The following FAM184B variants were observed in gnomAD, a reference collection of about 807,000 sequenced individuals.
FAM184B encodes protein FAM184B.
In FAM184B, 111 loss-of-function variants were observed where a neutral mutation model predicts 135.9. That is an observed-to-expected ratio of 0.82 (90% CI 0.70 to 0.96). The LOEUF (loss-of-function observed/expected upper bound fraction) is 0.96. Among genes scored for constraint, FAM184B ranks in the 40% least tolerant of loss-of-function variants. The pLI, the probability that FAM184B is intolerant of heterozygous loss-of-function variation, is 0.00. For missense variants in FAM184B, 1,375 were observed against 1,323.9 expected, an observed-to-expected ratio of 1.04 and a Z score of -0.60; for synonymous variants, 552 against 524.8, an observed-to-expected ratio of 1.05 and a Z score of -0.71.
chr4:17,686,728 G>T (rs540517223), intron 7 of FAM184B, among the ~76,000 whole-genome samples: 1 of 152,218 alleles, frequency 6.6e-6, no homozygotes, highest in Non-Finnish European at 1.5e-5. Context: ...GATCACCTGA[G>T]GTCAGGAGTT....
intron 1 of FAM184B, among the ~76,000 whole-genome samples, chr4:17,721,383 C>CAAAAAAAAGAAAAAA (rs1717523373): frequency 2.1e-5 from 1 of 47,384 alleles, no homozygotes; most frequent in Admixed American, 2.7e-4. Context: ...GATTCTGTCT[C>CAAAAAAAAGAAAAAA]AAAAAAAAAA....
intron 7 of FAM184B, among the ~76,000 whole-genome samples, chr4:17,676,486 T>C (rs1357503673): frequency 2.0e-5 from 3 of 152,252 alleles, no homozygotes; most frequent in Non-Finnish European, 4.4e-5. Context: ...GTGTATTTTT[T>C]AATTAAGGTA....
chr4:17,711,201 G>C (rs1430418395), intron 1 of FAM184B, among the ~76,000 whole-genome samples: 1 of 151,446 alleles, frequency 6.6e-6, no homozygotes, highest in Non-Finnish European at 1.5e-5. Context: ...AAAAAAAAAA[G>C]CCAGATGTGG....
intron 7 of FAM184B, among the ~76,000 whole-genome samples, chr4:17,687,662 G>C (rs1358667638): frequency 6.6e-6 from 1 of 152,204 alleles, no homozygotes; most frequent in Non-Finnish European, 1.5e-5. Context: ...AAGACTCAGA[G>C]ACAAGGGGAA....
Position 17,719,488 on chromosome 4 carries a change from C to T in FAM184B, c.142-9844G>A, listed in dbSNP as rs962033222. On this transcript the variant is annotated intron_variant, in intron 1 of 17. Coordinates refer to ENST00000265018, the MANE Select transcript of FAM184B (RefSeq NM_015688.2). ...ACTAAAACCTTGGAAAGCAAGACCA[C>T]AGAAAAAAAGGGACTACTGTCTAGG... 3.3e-5 allele frequency among the ~76,000 whole-genome samples: 5 copies of T among 152,130 alleles called. No homozygotes were observed. In the East Asian group the frequency reaches 5.8e-4, roughly 18 times the overall value.
chr4:17,746,482 G>A (rs1204136086), intron 1 of FAM184B, among the ~76,000 whole-genome samples: 3 of 151,870 alleles, frequency 2.0e-5, no homozygotes, highest in Non-Finnish European at 4.4e-5. Flanking sequence ...TGTGATCCCA[G>A]CACTTTGGGA....
intron 1 of FAM184B, among the ~76,000 whole-genome samples, chr4:17,752,384 C>T (rs139691711): frequency 2.0e-4 from 30 of 151,850 alleles, no homozygotes; most frequent in South Asian, 4.2e-4. Flanking sequence ...ATGGGAGGAG[C>T]AGGCAATGAA....
rs1224277038 is a variant in FAM184B, at chr4:17,714,192, T to G, written c.142-4548A>C. Among the ~76,000 whole-genome samples, 3 of 152,126 alleles carry G rather than the reference T, an allele frequency of 2.0e-5. No individual in the cohort carries two copies. The East Asian group carries it at 5.8e-4, about 29-fold the overall frequency. On this transcript the variant is annotated intron_variant, in intron 1 of 17. Coordinates refer to ENST00000265018, the MANE Select transcript of FAM184B (RefSeq NM_015688.2). Reference sequence around the variant, plus strand: ...GTTCATCAAGGATTCACGCTTTCCTTCCACAGCGAAGAGCTGCTGCAGAAC... The same window carrying G: ...GTTCATCAAGGATTCACGCTTTCCTGCCACAGCGAAGAGCTGCTGCAGAAC...
At chr4:17,752,641 A>G (rs538262048) in intron 1 of FAM184B, among the ~76,000 whole-genome samples, 1 of 152,320 alleles carries the variant, frequency 6.6e-6, no homozygotes, top group East Asian at 1.9e-4. Flanking sequence ...GAGGATGCCC[A>G]GGACATCACA....
chr4:17,633,712 A>G lies in FAM184B; in HGVS notation c.3066T>C (p.Ser1022=), dbSNP rs757766404. The G allele has an allele frequency of 6.5e-7, 1 of 1,545,248 alleles. No individual in the cohort carries two copies. The highest frequency in any genetic ancestry group is 1.2e-5 in the South Asian group (1 of 83,256). The change falls in exon 17 of 18, where the codon TCT becomes TCC. Residue 1022 remains serine, a synonymous_variant. Coordinates refer to ENST00000265018, the MANE Select transcript of FAM184B (RefSeq NM_015688.2). ...SCGRTYKPNQ[S]TDAKTATRTP... ...ACCTTGTGGCAGTTTTTGCATCTGT[A>G]GACTGGTTGGGTTTGTAGGTCCGGC...
At chr4:17,663,197 A>G (rs1001491113) in intron 8 of FAM184B, among the ~76,000 whole-genome samples, 4 of 152,180 alleles carry the variant, frequency 2.6e-5, no homozygotes, top group Admixed American at 6.5e-5. Context: ...TTGGCCTTCT[A>G]AAGTGCTAAG....
At chr4:17,740,952 A>T (rs1718019754) in intron 1 of FAM184B, among the ~76,000 whole-genome samples, 1 of 151,812 alleles carries the variant, frequency 6.6e-6, no homozygotes, top group East Asian at 1.9e-4. Flanking sequence ...TACTTTTCTT[A>T]AAAAAAATAC....
At chr4:17,764,256 C>G (rs917381127) in intron 1 of FAM184B, among the ~76,000 whole-genome samples, 1 of 152,196 alleles carries the variant, frequency 6.6e-6, no homozygotes, top group African/African-American at 2.4e-5. Context: ...GGCCCCAAAC[C>G]TGCATATTTG....
At chr4:17,717,295 A>G (rs1267994318) in intron 1 of FAM184B, among the ~76,000 whole-genome samples, 2 of 152,066 alleles carry the variant, frequency 1.3e-5, no homozygotes, top group African/African-American at 4.8e-5. Context: ...CTCTCACCCA[A>G]TCTCCTCCAA....
intron 1 of FAM184B, among the ~76,000 whole-genome samples, chr4:17,772,953 A>G (rs867743873): frequency 2.0e-5 from 3 of 152,178 alleles, no homozygotes; most frequent in African/African-American, 7.2e-5. Flanking sequence ...CCCTGCTCCA[A>G]ACCTCACTAA....
At chr4:17,666,732 G>A (rs988328658) in intron 7 of FAM184B, among the ~76,000 whole-genome samples, 1 of 151,618 alleles carries the variant, frequency 6.6e-6, no homozygotes, top group South Asian at 2.1e-4. Flanking sequence ...ACGGCCTAAC[G>A]TTGACTTGTC....
At chr4:17,769,975 A>G (rs779677337) in intron 1 of FAM184B, among the ~76,000 whole-genome samples, 13 of 152,210 alleles carry the variant, frequency 8.5e-5, no homozygotes, top group Non-Finnish European at 1.8e-4. Flanking sequence ...CATCTGAGCC[A>G]AGTTGGCTGA....
intron 12 of FAM184B, among the ~76,000 whole-genome samples, chr4:17,646,353 G>A (rs1265855485): frequency 6.6e-6 from 1 of 152,082 alleles, no homozygotes; most frequent in African/African-American, 2.4e-5. Context: ...TGATAGACTG[G>A]ATTAAGAAAA....
chr4:17,756,046 T>C (rs906511469), intron 1 of FAM184B, among the ~76,000 whole-genome samples: 8 of 152,262 alleles, frequency 5.3e-5, no homozygotes, highest in Non-Finnish European at 1.2e-4. Flanking sequence ...ATCCTGCACA[T>C]GTAGCCTGGA....
Sources: gnomAD v4.1 joint callset for allele counts (sites outside exome capture counted in the v4.1 genomes callset) on GRCh38, gnomAD v4.1.1 for gene constraint, MANE v1.5 for transcripts, NCBI Gene and HGNC (gene_info 2026-07-23, HGNC 2026-07-21) for gene names.